Variants in RASA1 observed in about 807,000 individuals in gnomAD.
RASA1 encodes the protein RAS p21 protein activator 1, also known as ras GTPase-activating protein 1.
RASA1 carries 25 observed loss-of-function variants against 132.2 expected under a neutral mutation model. The observed-to-expected ratio is 0.19, with a 90% CI of 0.14 to 0.26. RASA1 has a LOEUF of 0.26. RASA1 is among the 10% of genes least tolerant of loss of function. The pLI is 1.00. For synonymous variants in RASA1, 477 were observed against 449.9 expected (o/e 1.06, Z -0.76); for missense variants, 964 against 1,299.2 (o/e 0.74, Z 3.97).
At chr5:87,335,919 A>G (rs1757943139) in intron 4 of RASA1, among the ~76,000 whole-genome samples, 1 of 152,214 alleles carries the variant, frequency 6.6e-6, no homozygotes, top group Non-Finnish European at 1.5e-5. Context: ...ATAGTTTTGG[A>G]TTCCATATTA....
chr5:87,313,683 C>T (rs1217048336), intron 1 of RASA1, among the ~76,000 whole-genome samples: 1 of 152,046 alleles, frequency 6.6e-6, no homozygotes, highest in East Asian at 1.9e-4. Flanking sequence ...GATTATATTA[C>T]AGATAAGATA....
intron 1 of RASA1, among the ~76,000 whole-genome samples, chr5:87,278,928 T>TTTTTTTTTTTTG (rs1754190223): frequency 6.9e-6 from 1 of 145,430 alleles, no homozygotes; most frequent in East Asian, 2.0e-4. Flanking sequence ...TTTTTTTTTT[T>TTTTTTTTTTTTG]TTTTTCCTGT....
intron 8 of RASA1, among the ~76,000 whole-genome samples, chr5:87,352,527 T>A (rs1759348924): frequency 6.6e-6 from 1 of 151,860 alleles, no homozygotes; most frequent in African/African-American, 2.4e-5. Flanking sequence ...CTAAAATTTA[T>A]ATTAAAATAC....
At chr5:87,325,725 C>T (rs1243276278) in intron 1 of RASA1, among the ~76,000 whole-genome samples, 2 of 152,180 alleles carry the variant, frequency 1.3e-5, no homozygotes, top group Non-Finnish European at 2.9e-5. Context: ...AAAAGGAACT[C>T]TATTGATGTT....
rs1355032296 is a variant in RASA1, at chr5:87,378,498, A to T, written c.2447A>T (p.Asp816Val). 1 of 1,611,906 alleles carries T rather than the reference A, an allele frequency of 6.2e-7. No individual in the cohort carries two copies. The highest frequency in any genetic ancestry group is 8.5e-7 in the Non-Finnish European group (1 of 1,178,124). Residue 816 changes from aspartate to valine, a missense_variant, in exon 18 of 25, where the codon GAC becomes GTC. By Grantham distance (152) the Asp-to-Val change is radical (BLOSUM62 -3). Coordinates refer to ENST00000274376, the MANE Select transcript of RASA1 (RefSeq NM_002890.3). ...ATQFVHHALK[D>V]SILKIMESKQ... ...CAGTTTGTTCATCATGCTTTGAAAG[A>T]CTCTATTTTAAAGATAATGGAAAGC...
chr5:87,311,571 C>T (rs867632161), intron 1 of RASA1, among the ~76,000 whole-genome samples: 1 of 152,214 alleles, frequency 6.6e-6, no homozygotes, highest in Non-Finnish European at 1.5e-5. Flanking sequence ...AGATTAGATG[C>T]AAGCTTCCAG....
intron 23 of RASA1, among the ~76,000 whole-genome samples, chr5:87,387,527 C>G (rs1277600048): frequency 6.6e-6 from 1 of 152,036 alleles, no homozygotes; most frequent in African/African-American, 2.4e-5. Flanking sequence ...TTAAACTAAA[C>G]TTATTAGTAA....
At position 87,391,542 on chromosome 5, in the gene RASA1, T is replaced by C. The variant is rs1325953686; in HGVS notation, c.*659T>C. On this transcript the variant is annotated 3_prime_UTR_variant, in exon 25 of 25. Coordinates refer to ENST00000274376, the MANE Select transcript of RASA1 (RefSeq NM_002890.3). ...AAACATACGACTTATTTTGTTGAAA[T>C]TGTCAAAGACTGTATTTAGATCTCA... 3 of 237,828 alleles carry C rather than the reference T, an allele frequency of 1.3e-5. No individual in the cohort carries two copies. Among genetic ancestry groups the C allele is most frequent in the Admixed American group, 1.0e-4 (2 of 19,094 alleles). The allele number at this position is 237,828 out of a possible 1,614,324, so 14.7% of individuals were successfully genotyped here.
chr5:87,279,774 GAATC>G (rs1754231267), intron 1 of RASA1, among the ~76,000 whole-genome samples: 1 of 152,202 alleles, frequency 6.6e-6, no homozygotes, highest in Admixed American at 6.5e-5. Context: ...TCTCCAGAGA[GAATC>G]AATAAGATAC....
At chr5:87,343,558 GAT>G (rs1313612722) in intron 6 of RASA1, among the ~76,000 whole-genome samples, 1 of 152,168 alleles carries the variant, frequency 6.6e-6, no homozygotes, top group Non-Finnish European at 1.5e-5. Context: ...TTATCCAAAA[GAT>G]AGGCTATAAT....
Position 87,376,524 on chromosome 5 carries a change from G to GA in RASA1, c.2149dup (p.Ile717AsnfsTer9), listed in dbSNP as rs1561322357. On this transcript the variant is annotated frameshift_variant, in exon 16 of 25. Coordinates refer to ENST00000274376, the MANE Select transcript of RASA1 (RefSeq NM_002890.3). LOFTEE classifies it high-confidence loss of function. ...GCGTGTTCGAGCACGATACTCTATG[G>GA]AAAAAATCATGCCAGAAGAAGAGTA... The GA allele has an allele frequency of 6.2e-7, 1 of 1,613,946 alleles. No individual in the cohort carries two copies. Among genetic ancestry groups the GA allele is most frequent in the Non-Finnish European group, 8.5e-7 (1 of 1,179,944 alleles).
chr5:87,381,219 C>A (rs1761691794), intron 20 of RASA1, among the ~76,000 whole-genome samples: 1 of 152,150 alleles, frequency 6.6e-6, no homozygotes, highest in Admixed American at 6.5e-5. Context: ...AATGAAGAAG[C>A]AGATCTGTCT....
At chr5:87,374,668 G>T (rs1968674) in intron 14 of RASA1, among the ~76,000 whole-genome samples, 172 bp from the exon 15 acceptor site, 2 of 151,364 alleles carry the variant, frequency 1.3e-5, no homozygotes, top group African/African-American at 4.8e-5. Context: ...TGTAATCTGC[G>T]TGTCTTCTGT....
chr5:87,369,920 A>T lies in RASA1; in HGVS notation c.1698+20A>T. 6.4e-7 allele frequency: 1 copy of T among 1,558,560 alleles called. No homozygotes were observed. Among genetic ancestry groups the T allele is most frequent in the Non-Finnish European group, 8.8e-7 (1 of 1,130,468 alleles). On this transcript the variant is annotated intron_variant, in intron 12 of 24. Transcript: ENST00000274376. The stretch of plus-strand genomic sequence containing the variant: ...GCAGAGGTAAGATTACTGTTTCTCA[A>T]ACTACAGTATACTTTTATGTTAGCC...
intron 9 of RASA1, among the ~76,000 whole-genome samples, chr5:87,361,140 T>C (rs1459001947): frequency 6.6e-6 from 1 of 152,202 alleles, no homozygotes; most frequent in Non-Finnish European, 1.5e-5. Context: ...TCATTTAGTG[T>C]GTCCACTAAA....
chr5:87,331,092 T>A lies in RASA1; in HGVS notation c.540-256T>A. ...GCAGGCAATCCTGGAAGTAGGGAGA[T>A]GGGTAGAAATGGAAGAGATTTATAT... On this transcript the variant is annotated intron_variant, in intron 1 of 24. Transcript: ENST00000274376. 1.5e-5 allele frequency: 14 copies of A among 917,904 alleles called. 2 individuals carry two copies. The South Asian group carries it at 2.5e-4, about 16-fold the overall frequency. The allele number at this position is 917,904 out of a possible 1,614,324, so 56.9% of individuals were successfully genotyped here.
intron 1 of RASA1, among the ~76,000 whole-genome samples, chr5:87,303,964 G>C (rs371212483): frequency 6.7e-6 from 1 of 149,278 alleles, no homozygotes; most frequent in Non-Finnish European, 1.5e-5. Context: ...CTCCCAAGTA[G>C]CTGGGACCAC....
intron 1 of RASA1, among the ~76,000 whole-genome samples, chr5:87,330,277 A>C (rs1757514666): frequency 6.6e-6 from 1 of 152,160 alleles, no homozygotes; most frequent in Non-Finnish European, 1.5e-5. Context: ...GCTTACAAAA[A>C]TAGTCATAGT....
chr5:87,337,932 T>C, intron 4 of RASA1, 42 bp from the exon 5 acceptor site: 1 of 1,538,938 alleles, frequency 6.5e-7, no homozygotes, highest in African/African-American at 1.4e-5. Flanking sequence ...TCTCTGTATT[T>C]AAAATTTTTA....
Sources: gnomAD v4.1 joint callset for allele counts (sites outside exome capture counted in the v4.1 genomes callset) on GRCh38, gnomAD v4.1.1 for gene constraint, MANE v1.5 for transcripts, NCBI Gene and HGNC (gene_info 2026-07-23, HGNC 2026-07-21) for gene names.